GLB1: variants seen among roughly 807,000 people sequenced by gnomAD.
GLB1 encodes the protein beta-galactosidase.
GLB1 carries 56 observed loss-of-function variants against 74.0 expected under a neutral mutation model. The observed-to-expected ratio is 0.76, with a 90% CI of 0.61 to 0.94. The LOEUF is 0.94. GLB1 is among the 40% of genes least tolerant of loss of function. GLB1 has a pLI of 0.00. For synonymous variants in GLB1, 323 were observed against 323.6 expected (o/e 1.00, Z 0.02); for missense variants, 787 against 845.5 (o/e 0.93, Z 0.86).
intron 2 of GLB1, among the ~76,000 whole-genome samples, chr3:33,072,253 C>T (rs1411695575): frequency 1.3e-5 from 2 of 152,268 alleles, no homozygotes; most frequent in Middle Eastern, 3.4e-3. Flanking sequence ...TATAAAGTGC[C>T]CTGTATCTGG....
chr3:33,093,966 G>A lies in GLB1; in HGVS notation c.75+3045C>T, dbSNP rs1440760494. 3 of 1,614,074 alleles carry A rather than the reference G, an allele frequency of 1.9e-6. No individual in the cohort carries two copies. In the African/African-American group the frequency reaches 4.0e-5, roughly 22 times the overall value. ...CCAAAGCTGAAAACAGGTTGACTCTGCAGCTGGGGAGTGGCAGAGGTTGCT... is the reference window on the plus strand; with the variant it reads ...CCAAAGCTGAAAACAGGTTGACTCTACAGCTGGGGAGTGGCAGAGGTTGCT... On this transcript the variant is annotated intron_variant, in intron 1 of 15. Transcript: ENST00000307363. This position sits in a 1 kb window ranked among gnomAD's most constrained non-coding sequence, Gnocchi z 6.0.
At chr3:33,022,033 G>A (rs1028841692) in intron 11 of GLB1, among the ~76,000 whole-genome samples, 1 of 152,058 alleles carries the variant, frequency 6.6e-6, no homozygotes, top group African/African-American at 2.4e-5. Context: ...AGTAACCAGA[G>A]GCCAGTTACA....
chr3:33,078,986 T>C (rs4645101), intron 1 of GLB1, among the ~76,000 whole-genome samples: 73,141 of 152,038 alleles, frequency 0.48, 20,876 homozygotes, highest in Non-Finnish European at 0.62. Context: ...ATGTATATGA[T>C]AGACTACTAC....
intron 10 of GLB1, among the ~76,000 whole-genome samples, chr3:33,040,161 G>A (rs556440602): frequency 1.8e-4 from 27 of 152,298 alleles, no homozygotes; most frequent in Non-Finnish European, 3.1e-4. Context: ...TAGGTAGGGA[G>A]AAAATAAATC....
At chr3:32,985,202 T>C in the GLB1 span, among the ~76,000 whole-genome samples, 1 of 152,070 alleles carries the variant, frequency 6.6e-6, no homozygotes, top group Non-Finnish European at 1.5e-5. Flanking sequence ...CGATGGAGGA[T>C]TTGTCAGTTT....
At chr3:33,068,723 C>A in intron 3 of GLB1, 97 bp downstream of exon 3, 1 of 1,603,472 alleles carries the variant, frequency 6.2e-7, no homozygotes. Flanking sequence ...AGGCCCCATG[C>A]TCTCTGGAAT....
intron 9 of GLB1, among the ~76,000 whole-genome samples, chr3:33,051,234 A>AGG (rs71070116): frequency 1.7e-5 from 1 of 60,364 alleles, no homozygotes; most frequent in Non-Finnish European, 3.2e-5. Flanking sequence ...ACTGCGTCTC[A>AGG]AAAAAAAAAA....
rs776884523 is a variant in GLB1 at position 33,072,676 on chromosome 3, C to T, written c.113G>A (p.Arg38Gln). The change falls in exon 2 of 16, where the codon CGG becomes CAG. Residue 38 changes from arginine (R) to glutamine (Q), a missense_variant. By Grantham distance (43) the Arg-to-Gln change is conservative. Transcript: ENST00000307363. ...CTGGCCATCCTTGAGGAAGGAGTCC[C>T]GGCTATAGTCAATTTCAAACATCCT... is the stretch of plus-strand genomic sequence containing the variant. Reference protein sequence around the residue: ...TQRMFEIDYSRDSFLKDGQPF... With the variant: ...TQRMFEIDYSQDSFLKDGQPF... The T allele has an allele frequency of 2.9e-5, 46 of 1,613,994 alleles. No homozygotes were observed. Among genetic ancestry groups the T allele is most frequent in the Admixed American group, 5.0e-5 (3 of 59,990 alleles).
At chr3:33,035,924 G>A (rs1362999890) in intron 10 of GLB1, among the ~76,000 whole-genome samples, 1 of 152,078 alleles carries the variant, frequency 6.6e-6, no homozygotes, top group East Asian at 1.9e-4. Flanking sequence ...CCTTAACTTG[G>A]TGTATTCAAT....
chr3:32,966,434 C>G, the GLB1 span, among the ~76,000 whole-genome samples: 2 of 152,168 alleles, frequency 1.3e-5, no homozygotes, highest in Admixed American at 6.5e-5. Flanking sequence ...TTTGGAGCAG[C>G]TGTATTTACC....
chr3:32,995,142 A>G (rs1039670625), downstream of GLB1, among the ~76,000 whole-genome samples: 1 of 152,158 alleles, frequency 6.6e-6, no homozygotes, highest in African/African-American at 2.4e-5. Context: ...ATTTGACCTT[A>G]CAGTGTAGTT....
At chr3:33,095,048 T>C (rs1158891324) in intron 1 of GLB1, among the ~76,000 whole-genome samples, 1 of 151,900 alleles carries the variant, frequency 6.6e-6, no homozygotes, top group Non-Finnish European at 1.5e-5. Context: ...CTGTCTCTAC[T>C]AAAAATTCAA....
chr3:33,036,027 A>G (rs1457756571), intron 10 of GLB1, among the ~76,000 whole-genome samples: 1 of 152,248 alleles, frequency 6.6e-6, no homozygotes, highest in African/African-American at 2.4e-5. Context: ...AGTGAGAAGA[A>G]GGAATGACAA....
chr3:33,077,254 T>C (rs778980782), intron 1 of GLB1: 3 of 1,567,294 alleles, frequency 1.9e-6, no homozygotes, highest in South Asian at 1.1e-5. Context: ...ACAAAGATCA[T>C]ATTAATTTGA....
chr3:32,966,303 CT>C, the GLB1 span, among the ~76,000 whole-genome samples: 4 of 152,196 alleles, frequency 2.6e-5, no homozygotes, highest in Non-Finnish European at 5.9e-5. Flanking sequence ...TCACCATGAC[CT>C]GGATGTGAGA....
At chr3:33,075,069 T>C (rs568938029) in intron 1 of GLB1, among the ~76,000 whole-genome samples, 4 of 152,374 alleles carry the variant, frequency 2.6e-5, no homozygotes, top group African/African-American at 9.6e-5. Context: ...AAGGTTTTAA[T>C]TTCTGTTCAA....
intron 1 of GLB1, chr3:33,092,714 A>T: frequency 6.8e-7 from 1 of 1,473,444 alleles, no homozygotes; most frequent in Non-Finnish European, 9.0e-7. Context: ...GCTTGTGACC[A>T]AGGGTGTGTA....
At chr3:33,021,467 C>A in intron 12 of GLB1, 99 bp downstream of exon 12, 1 of 1,303,708 alleles carries the variant, frequency 7.7e-7, no homozygotes, top group South Asian at 1.3e-5. Flanking sequence ...ATTTGCTTAC[C>A]ATTTTGGCCC....
At chr3:33,071,996 T>C (rs1699904932) in intron 2 of GLB1, among the ~76,000 whole-genome samples, 1 of 152,212 alleles carries the variant, frequency 6.6e-6, no homozygotes, top group East Asian at 1.9e-4. Context: ...TAAAAAGTTT[T>C]CCTTGGGTCT....
Sources: allele counts gnomAD v4.1 joint callset (sites outside exome capture counted in the v4.1 genomes callset), GRCh38; gene constraint gnomAD v4.1.1; non-coding constraint Gnocchi (gnomAD v3.1); transcripts MANE v1.5; gene names NCBI Gene and HGNC (gene_info 2026-07-23, HGNC 2026-07-21).